Variants in NKD1 observed in about 807,000 individuals in gnomAD.
The protein encoded by NKD1 is protein naked cuticle homolog 1.
Under a neutral mutation model 56.0 loss-of-function variants are expected in NKD1, and 21 were observed. That is an observed-to-expected ratio of 0.38 (90% CI 0.27 to 0.54). The LOEUF is 0.54. Among genes scored for constraint, NKD1 ranks in the 20% least tolerant of loss-of-function variants. The pLI, the probability that NKD1 is intolerant of heterozygous loss-of-function variation, is 0.82. For synonymous variants in NKD1, 263 were observed against 265.7 expected, an observed-to-expected ratio of 0.99 and a Z score of 0.10; for missense variants, 578 against 642.7, an observed-to-expected ratio of 0.90 and a Z score of 1.09.
chr16:50,549,684 T>C, intron 3 of NKD1, 129 bp downstream of exon 3: 1 of 935,224 alleles, frequency 1.1e-6, no homozygotes, highest in Non-Finnish European at 1.5e-6. Flanking sequence ...TCTTCTCAGC[T>C]GCCCCCTGCC....
intron 3 of NKD1, among the ~76,000 whole-genome samples, chr16:50,567,006 C>CA (rs1466305829): frequency 2.0e-5 from 2 of 98,902 alleles, no homozygotes; most frequent in Non-Finnish European, 5.1e-5. Flanking sequence ...GTTTTTATGG[C>CA]CCCCCCCCTT....
chr16:50,585,792 C>T (rs1001899376), intron 3 of NKD1, among the ~76,000 whole-genome samples: 6 of 152,136 alleles, frequency 3.9e-5, no homozygotes, highest in Admixed American at 1.3e-4. Flanking sequence ...TGGGAAGGAC[C>T]GTGATAACAG....
rs542870891 is a variant in NKD1, at chr16:50,636,516, C to T, written c.*2735C>T. 6.6e-6 allele frequency: 1 copy of T among 152,346 alleles called. No individual in the cohort carries two copies. Among genetic ancestry groups the T allele is most frequent in the Non-Finnish European group, 1.5e-5 (1 of 68,040 alleles). 9.4% of individuals were successfully genotyped at this position (152,346 alleles called of 1,614,324 possible). Reference sequence around the variant, plus strand: ...CCGACTTTCTGGGTGTGGCCTAGGGCCCCTCAGTGTAATGTAGGGGTTGTG... The same window carrying T: ...CCGACTTTCTGGGTGTGGCCTAGGGTCCCTCAGTGTAATGTAGGGGTTGTG... On this transcript the variant is annotated 3_prime_UTR_variant, in exon 10 of 10. Coordinates refer to ENST00000268459, the MANE Select transcript of NKD1 (RefSeq NM_033119.5).
chr16:50,625,073 G>A (rs983238320), intron 5 of NKD1, among the ~76,000 whole-genome samples: 1 of 152,166 alleles, frequency 6.6e-6, no homozygotes, highest in Non-Finnish European at 1.5e-5. Context: ...GGGGCTGACC[G>A]ACACCCGAAC....
In NKD1 at chr16:50,548,752, A is replaced by G. The variant is rs1450116938; in HGVS notation, c.58+3A>G. The G allele has an allele frequency of 2.1e-6, 3 of 1,420,072 alleles. No homozygotes were observed. Among genetic ancestry groups the G allele is most frequent in the South Asian group, 3.0e-5 (2 of 67,462 alleles). The allele number at this position is 1,420,072 out of a possible 1,614,324, so 88.0% of individuals were successfully genotyped here. A position where few individuals can be genotyped will look rare whatever the true frequency, so the allele number is the denominator to read the frequency against. ...CAAGCGCAGGGAGAGCCCGGAAGGT[A>G]GGGGCGCGCGGGGCGCAGACCTCGG... is the stretch of plus-strand genomic sequence containing the variant. On this transcript the variant is annotated splice_donor_region_variant and intron_variant, in intron 2 of 9. Transcript: ENST00000268459.
At chr16:50,608,387 C>T (rs773662875) in intron 4 of NKD1, 27 bp downstream of exon 4, 1 of 1,564,644 alleles carries the variant, frequency 6.4e-7, no homozygotes, top group Admixed American at 1.7e-5. Context: ...GCTCTCTTCC[C>T]AGCAGCAGCG....
chr16:50,633,891 A>G lies in NKD1; in HGVS notation c.*110A>G. ...ATTATGATGATTATTGTTATTAATA[A>G]TTATTGTTACTCCACTAATATTTAG... On this transcript the variant is annotated 3_prime_UTR_variant, in exon 10 of 10. Transcript: ENST00000268459. The surrounding 1 kb of genome is among the most constrained non-coding windows in gnomAD (Gnocchi z 4.9). The G allele has an allele frequency of 1.7e-6, 1 of 580,728 alleles. No homozygotes were observed. The highest frequency in any genetic ancestry group is 2.9e-6 in the Non-Finnish European group (1 of 339,252). The allele number at this position is 580,728 out of a possible 1,614,324, so 36.0% of individuals were successfully genotyped here.
At chr16:50,577,595 A>G (rs148786243) in intron 3 of NKD1, among the ~76,000 whole-genome samples, 4 of 152,198 alleles carry the variant, frequency 2.6e-5, no homozygotes, top group African/African-American at 9.7e-5. Context: ...GATGCTGTGC[A>G]GTAGATCTCC....
rs1962720621 is a variant in NKD1 at position 50,648,454 on chromosome 16, C to T, written c.*14673C>T. ...CTGGGGTCAGATGGATAATTGCCAT[C>T]ATCCTCACCAAGTTGCCACTGGACT... On this transcript the variant is annotated 3_prime_UTR_variant, in exon 10 of 10. Coordinates refer to ENST00000268459, the MANE Select transcript of NKD1 (RefSeq NM_033119.5). 1 of 152,514 alleles carries T rather than the reference C, an allele frequency of 6.6e-6. No individual in the cohort carries two copies. Among genetic ancestry groups the T allele is most frequent in the Non-Finnish European group, 1.5e-5 (1 of 68,036 alleles). The allele number at this position is 152,514 out of a possible 1,614,324, so 9.4% of individuals were successfully genotyped here. A position where few individuals can be genotyped will look rare whatever the true frequency, so the allele number is the denominator to read the frequency against.
At position 50,632,185 on chromosome 16, in the gene NKD1, G is replaced by C; in HGVS notation, c.696-96G>C. ...AAGGCCAAGAAGGAAATGAATGAAG[G>C]GTCCAGAGTTCATTCTGGGGGCTTC... On this transcript the variant is annotated intron_variant, in intron 8 of 9. Coordinates refer to ENST00000268459, the MANE Select transcript of NKD1 (RefSeq NM_033119.5). The surrounding 1 kb of genome is among the most constrained non-coding windows in gnomAD (Gnocchi z 4.1). The C allele has an allele frequency of 1.7e-6, 2 of 1,158,646 alleles. No individual in the cohort carries two copies. The highest frequency in any genetic ancestry group is 2.5e-6 in the Non-Finnish European group (2 of 799,268). The allele number at this position is 1,158,646 out of a possible 1,614,324, so 71.8% of individuals were successfully genotyped here.
Position 50,638,032 on chromosome 16 carries a change from G to A in NKD1, c.*4251G>A, listed in dbSNP as rs1348686739. ...ATTACACTTTTTGGCAAAGGAAACAGCTAGGAGCAGTTTCTTTCACTCCTA... is the reference window on the plus strand; with the variant it reads ...ATTACACTTTTTGGCAAAGGAAACAACTAGGAGCAGTTTCTTTCACTCCTA... On this transcript the variant is annotated 3_prime_UTR_variant, in exon 10 of 10. Transcript: ENST00000268459. 6.6e-6 allele frequency: 1 copy of A among 152,160 alleles called. No individual in the cohort carries two copies. The highest frequency in any genetic ancestry group is 2.4e-5 in the African/African-American group (1 of 41,440). The allele number at this position is 152,160 out of a possible 1,614,324, so 9.4% of individuals were successfully genotyped here. A position where few individuals can be genotyped will look rare whatever the true frequency, so the allele number is the denominator to read the frequency against.
intron 3 of NKD1, among the ~76,000 whole-genome samples, chr16:50,589,918 G>A (rs1379722118): frequency 6.6e-6 from 1 of 151,728 alleles, no homozygotes; most frequent in Non-Finnish European, 1.5e-5. Flanking sequence ...CACCATCCCA[G>A]CTGACGGCAG....
chr16:50,581,741 CAGGATGATG>C (rs1376444711), intron 3 of NKD1, among the ~76,000 whole-genome samples: 1 of 152,120 alleles, frequency 6.6e-6, no homozygotes, highest in Non-Finnish European at 1.5e-5. Flanking sequence ...TTTTCTGATC[CAGGATGATG>C]AGGTGCTGTC....
At chr16:50,583,003 C>T (rs1262620984) in intron 3 of NKD1, among the ~76,000 whole-genome samples, 1 of 151,976 alleles carries the variant, frequency 6.6e-6, no homozygotes, top group African/African-American at 2.4e-5. Flanking sequence ...GAGACTCCAT[C>T]CCGGGAAAAA....
rs972783389 is a variant in NKD1 at position 50,644,013 on chromosome 16, G to A, written c.*10232G>A. 1.3e-5 allele frequency: 2 copies of A among 152,250 alleles called. No homozygotes were observed. Among genetic ancestry groups the A allele is most frequent in the African/African-American group, 2.4e-5 (1 of 41,464 alleles). 9.4% of individuals were successfully genotyped at this position (152,250 alleles called of 1,614,324 possible). On this transcript the variant is annotated 3_prime_UTR_variant, in exon 10 of 10. Transcript: ENST00000268459. ...ATGCTAAACAGACTGTGAGAAGGAT[G>A]TTTGTGTATAGGATGAGAACTGAAC... is the stretch of plus-strand genomic sequence containing the variant.
intron 8 of NKD1, among the ~76,000 whole-genome samples, chr16:50,631,261 AGGGT>A (rs895103593): frequency 1.3e-5 from 2 of 152,094 alleles, no homozygotes; most frequent in Non-Finnish European, 2.9e-5. Flanking sequence ...CCATCCCTTT[AGGGT>A]GGGCCTGGCT....
intron 3 of NKD1, among the ~76,000 whole-genome samples, chr16:50,592,561 G>C (rs1961391119): frequency 6.6e-6 from 1 of 152,228 alleles, no homozygotes; most frequent in Admixed American, 6.5e-5. Context: ...AGGGAGAAAT[G>C]TACGGACCCT....
At chr16:50,584,971 G>A (rs1961196173) in intron 3 of NKD1, among the ~76,000 whole-genome samples, 1 of 152,200 alleles carries the variant, frequency 6.6e-6, no homozygotes, top group South Asian at 2.1e-4. Flanking sequence ...ACGGACCCCC[G>A]ATTGAAGGCA....
intron 1 of NKD1, 31 bp downstream of exon 1, chr16:50,548,609 G>T: frequency 6.9e-7 from 1 of 1,449,744 alleles, no homozygotes; most frequent in Non-Finnish European, 9.0e-7. Flanking sequence ...GCTCGCCCCG[G>T]GCCCCGCCGC....
Sources: allele counts gnomAD v4.1 joint callset (sites outside exome capture counted in the v4.1 genomes callset), GRCh38; gene constraint gnomAD v4.1.1; non-coding constraint Gnocchi (gnomAD v3.1); transcripts MANE v1.5; gene names NCBI Gene and HGNC (gene_info 2026-07-23, HGNC 2026-07-21).